Variants in QRFPR observed in about 807,000 individuals in gnomAD.
QRFPR encodes pyroglutamylated RFamide peptide receptor.
QRFPR carries 37 observed loss-of-function variants against 31.3 expected under a neutral mutation model. The observed-to-expected ratio is 1.18, with a 90% CI of 0.91 to 1.56. The LOEUF is 1.56. Among genes scored for constraint, QRFPR ranks in the 40% most tolerant of loss-of-function variants. The pLI is 0.00. For synonymous variants in QRFPR, 197 were observed against 192.0 expected, an observed-to-expected ratio of 1.03 and a Z score of -0.22; for missense variants, 542 against 532.5, an observed-to-expected ratio of 1.02 and a Z score of -0.18.
intron 1 of QRFPR, among the ~76,000 whole-genome samples, chr4:121,372,358 T>C (rs1726263667): frequency 6.6e-6 from 1 of 152,208 alleles, no homozygotes; most frequent in Admixed American, 6.5e-5. Flanking sequence ...CCGGGAAGTA[T>C]TCTCTCTCAT....
At chr4:121,365,645 ATAT>A (rs1726119698) in intron 1 of QRFPR, among the ~76,000 whole-genome samples, 7 of 28,444 alleles carry the variant, frequency 2.5e-4, no homozygotes, top group East Asian at 1.2e-3. Context: ...TATATTTTAT[ATAT>A]TATATATTAT....
chr4:121,379,692 G>C lies in QRFPR; in HGVS notation c.340+616C>G, dbSNP rs373606937. 4.3e-4 allele frequency among the ~76,000 whole-genome samples: 65 copies of C among 152,184 alleles called. 1 individual carries two copies. In the East Asian group the frequency reaches 8.7e-3, roughly 20 times the overall value. On this transcript the variant is annotated intron_variant, in intron 1 of 5. Coordinates refer to ENST00000394427, the MANE Select transcript of QRFPR (RefSeq NM_198179.3). ...TAATAGGAGGGCATCAGTTTTCTGT[G>C]TTCCTTCTTCCTGCATGACACTTAA...
chr4:121,357,983 G>T (rs1413162837), intron 1 of QRFPR, among the ~76,000 whole-genome samples: 2 of 152,076 alleles, frequency 1.3e-5, no homozygotes, highest in Non-Finnish European at 2.9e-5. Context: ...TTTAAATACA[G>T]GCTGTGCAAC....
intron 1 of QRFPR, among the ~76,000 whole-genome samples, chr4:121,348,859 A>G (rs924321086): frequency 1.3e-5 from 2 of 152,076 alleles, no homozygotes; most frequent in Non-Finnish European, 2.9e-5. Context: ...GCACTTTGGG[A>G]GGCCGAGGCG....
At chr4:121,378,185 C>T (rs975309875) in intron 1 of QRFPR, among the ~76,000 whole-genome samples, 1 of 152,202 alleles carries the variant, frequency 6.6e-6, no homozygotes, top group African/African-American at 2.4e-5. Flanking sequence ...ACTTTATTCT[C>T]ACACTAACCC....
chr4:121,346,494 C>G (rs1725653112), intron 1 of QRFPR, among the ~76,000 whole-genome samples: 1 of 152,190 alleles, frequency 6.6e-6, no homozygotes, highest in East Asian at 1.9e-4. Flanking sequence ...TGCAAATACA[C>G]TTGTATTTCT....
At chr4:121,380,186 G>GGAGAGAGAGGGGGAGAGAGAGA in intron 1 of QRFPR, 122 bp downstream of exon 1, 1 of 234,842 alleles carries the variant, frequency 4.3e-6, no homozygotes. Flanking sequence ...AGACGAGAGA[G>GGAGAGAGAGGGGGAGAGAGAGA]GAGAGAGAGA....
rs529485239 is a variant in QRFPR at position 121,331,375 on chromosome 4, G to A, written c.798-852C>T. On this transcript the variant is annotated intron_variant, in intron 4 of 5. Transcript: ENST00000394427. ...ATTTTTAAATTTTTTGTAGAGACGG[G>A]GTCTCACTTTGTTGCCCAGGCTGGT... is the stretch of plus-strand genomic sequence containing the variant. Among the ~76,000 whole-genome samples, 185 of 150,504 alleles carry A rather than the reference G, an allele frequency of 1.2e-3. 1 individual carries two copies. Among genetic ancestry groups the A allele is most frequent in the Non-Finnish European group, 2.0e-3 (133 of 67,648 alleles).
Position 121,331,620 on chromosome 4 carries a change from C to CTTATTA in QRFPR, c.798-1098_798-1097insTAATAA, listed in dbSNP as rs201743783. ...GTTTATAAAAACTCATACTCATTAT[C>CTTATTA]TCATTATTATTATTATTATTATTAT... On this transcript the variant is annotated intron_variant, in intron 4 of 5. Transcript: ENST00000394427. 3.1e-4 allele frequency among the ~76,000 whole-genome samples: 35 copies of CTTATTA among 112,354 alleles called. No individual in the cohort carries two copies. The East Asian group carries it at 6.1e-3, about 20-fold the overall frequency. 73.7% of individuals were successfully genotyped at this position (112,354 alleles called of 152,430 possible).
chr4:121,331,280 C>A (rs1725320170), intron 4 of QRFPR, among the ~76,000 whole-genome samples: 1 of 139,814 alleles, frequency 7.2e-6, no homozygotes, highest in Admixed American at 7.7e-5. Flanking sequence ...AACCTGGGCT[C>A]AATAAGTGAT....
chr4:121,378,738 T>C (rs1001503583), intron 1 of QRFPR, among the ~76,000 whole-genome samples: 1 of 152,156 alleles, frequency 6.6e-6, no homozygotes, highest in African/African-American at 2.4e-5. Context: ...CACTGCACTT[T>C]CAAACTTCTC....
intron 1 of QRFPR, among the ~76,000 whole-genome samples, chr4:121,378,835 G>A (rs1468638167): frequency 6.6e-6 from 1 of 152,032 alleles, no homozygotes; most frequent in African/African-American, 2.4e-5. Flanking sequence ...CAGTTCTTTT[G>A]ATCCCCACCA....
chr4:121,334,784 A>T (rs1048177440), intron 3 of QRFPR, among the ~76,000 whole-genome samples: 51 of 152,230 alleles, frequency 3.4e-4, no homozygotes, highest in African/African-American at 1.2e-3. Context: ...GTACAAGTGA[A>T]GCAGAGAGCG....
chr4:121,367,790 A>C (rs2110482755), intron 1 of QRFPR, among the ~76,000 whole-genome samples: 1 of 150,082 alleles, frequency 6.7e-6, no homozygotes, highest in Middle Eastern at 3.4e-3. Context: ...GGTGGGAATA[A>C]GTTTTCCTAA....
chr4:121,357,310 T>G (rs181442045), intron 1 of QRFPR, among the ~76,000 whole-genome samples: 123 of 152,028 alleles, frequency 8.1e-4, no homozygotes, highest in Non-Finnish European at 1.4e-3. Context: ...GCCATGGACC[T>G]GAGATCCTAA....
intron 1 of QRFPR, among the ~76,000 whole-genome samples, chr4:121,358,786 C>T (rs986969573): frequency 6.6e-6 from 1 of 152,208 alleles, no homozygotes; most frequent in Non-Finnish European, 1.5e-5. Flanking sequence ...CTGAGCCACA[C>T]TGATCACAAT....
At chr4:121,363,211 A>T (rs1349729380) in intron 1 of QRFPR, among the ~76,000 whole-genome samples, 1 of 149,998 alleles carries the variant, frequency 6.7e-6, no homozygotes. Flanking sequence ...CTGTAATCAC[A>T]ACTACTCAGG....
chr4:121,359,631 A>ATG (rs1399081991), intron 1 of QRFPR, among the ~76,000 whole-genome samples: 36 of 117,130 alleles, frequency 3.1e-4, no homozygotes, highest in Non-Finnish European at 5.0e-4. Flanking sequence ...ACTCATATAT[A>ATG]TATGTGTGTG....
In QRFPR at chr4:121,380,539, T is replaced by TGTA; in HGVS notation, c.106_108dup (p.Tyr36dup). On this transcript the variant is annotated inframe_insertion, in exon 1 of 6. Transcript: ENST00000394427. ...TTGGCGCGTCCCGGCAGCTCTGGGG[T>TGTA]GTAGACGAGCGGTCGCAGCCGGTAC... 1 of 1,612,450 alleles carries TGTA rather than the reference T, an allele frequency of 6.2e-7. No homozygotes were observed. The highest frequency in any genetic ancestry group is 8.5e-7 in the Non-Finnish European group (1 of 1,179,308).
Sources: allele counts gnomAD v4.1 joint callset (sites outside exome capture counted in the v4.1 genomes callset), GRCh38; gene constraint gnomAD v4.1.1; transcripts MANE v1.5; gene names NCBI Gene and HGNC (gene_info 2026-07-23, HGNC 2026-07-21).